The following IQGAP2 variants were observed in gnomAD, a reference collection of about 807,000 sequenced individuals.
IQGAP2 encodes ras GTPase-activating-like protein IQGAP2.
In IQGAP2, 173 loss-of-function variants were observed where a neutral mutation model predicts 201.3. The observed-to-expected ratio is 0.86, with a 90% CI of 0.76 to 0.98. IQGAP2 has a LOEUF of 0.98. IQGAP2 is among the 50% of genes least tolerant of loss of function. IQGAP2 has a pLI of 0.00. For missense variants in IQGAP2, 1,687 were observed against 1,864.8 expected, an observed-to-expected ratio of 0.90 and a Z score of 1.76; for synonymous variants, 675 against 673.9, an observed-to-expected ratio of 1.00 and a Z score of -0.03.
At chr5:76,654,132 G>A in intron 18 of IQGAP2, 68 bp from the exon 19 acceptor site, 2 of 1,063,014 alleles carry the variant, frequency 1.9e-6, no homozygotes, top group Non-Finnish European at 2.8e-6. Context: ...ATTACGGGTT[G>A]TTTGGTGATT....
At chr5:76,634,936 C>A (rs995881106) in intron 15 of IQGAP2, among the ~76,000 whole-genome samples, 2 of 152,136 alleles carry the variant, frequency 1.3e-5, no homozygotes, top group African/African-American at 4.8e-5. Context: ...CTTAGGAAAA[C>A]TATTTGGAGC....
At position 76,597,538 on chromosome 5, in the gene IQGAP2, T is replaced by G. The variant is rs1301425083; in HGVS notation, c.1007T>G (p.Val336Gly). The G allele has an allele frequency of 6.2e-7, 1 of 1,613,840 alleles. No individual in the cohort carries two copies. Among genetic ancestry groups the G allele is most frequent in the South Asian group, 1.1e-5 (1 of 91,046 alleles). The change falls in exon 10 of 36, where the codon GTT (valine) becomes GGT (glycine). Residue 336 changes from valine (V) to glycine (G), a missense_variant. Coordinates refer to ENST00000274364, the MANE Select transcript of IQGAP2 (RefSeq NM_006633.5). ...AAACCAGAGGCCCAGCTGCCTGCTG[T>G]TTATCCCTTTGCTGCTGCCATGTAT... ...LKKPEAQLPA[V>G]YPFAAAMYQN...
At chr5:76,550,600 C>G (rs941956648) in intron 2 of IQGAP2, among the ~76,000 whole-genome samples, 10 of 152,108 alleles carry the variant, frequency 6.6e-5, no homozygotes, top group Admixed American at 1.3e-4. Flanking sequence ...CAAAGCACAT[C>G]TTGCACCGCC....
At chr5:76,706,141 T>A (rs969334678) in intron 35 of IQGAP2, among the ~76,000 whole-genome samples, 1 of 152,218 alleles carries the variant, frequency 6.6e-6, no homozygotes, top group East Asian at 1.9e-4. Flanking sequence ...CTTCTCTCCA[T>A]ACATAGTTAT....
intron 13 of IQGAP2, among the ~76,000 whole-genome samples, chr5:76,626,853 C>CCAA (rs1363394252): frequency 6.6e-6 from 1 of 152,022 alleles, no homozygotes; most frequent in South Asian, 2.1e-4. Context: ...TAAGAAAAAG[C>CCAA]CAACAGCCAC....
Position 76,704,924 on chromosome 5 carries a change from C to G in IQGAP2, c.4615-2276C>G, listed in dbSNP as rs548907996. Among the ~76,000 whole-genome samples, 4 of 152,290 alleles carry G rather than the reference C, an allele frequency of 2.6e-5. No homozygotes were observed. The East Asian group carries it at 7.7e-4, about 29-fold the overall frequency. The stretch of plus-strand genomic sequence containing the variant: ...GAAAGCCCCTTCTAACATTACAGCT[C>G]TATGTCTCTTGGTTATCTTCAGCCC... On this transcript the variant is annotated intron_variant, in intron 35 of 35. Transcript: ENST00000274364.
intron 1 of IQGAP2, among the ~76,000 whole-genome samples, chr5:76,417,158 C>T (rs1018146882): frequency 6.6e-6 from 1 of 152,148 alleles, no homozygotes; most frequent in African/African-American, 2.4e-5. Context: ...TGTGTGTCTA[C>T]AGTGGGGAGG....
chr5:76,486,994 G>A (rs751555217), intron 2 of IQGAP2, among the ~76,000 whole-genome samples: 1 of 151,770 alleles, frequency 6.6e-6, no homozygotes, highest in Non-Finnish European at 1.5e-5. Flanking sequence ...TTTGATCCAT[G>A]CCAAACACTG....
At chr5:76,617,687 A>C (rs866069607) in intron 13 of IQGAP2, 3 of 1,614,078 alleles carry the variant, frequency 1.9e-6, no homozygotes, top group Non-Finnish European at 1.7e-6. Context: ...AAGCTATGAG[A>C]TATATAAAAT....
rs1234680234 is a variant in IQGAP2 at position 76,627,675 on chromosome 5, C to T, written c.1612+175C>T. Among the ~76,000 whole-genome samples, 3 of 152,208 alleles carry T rather than the reference C, an allele frequency of 2.0e-5. No individual in the cohort carries two copies. In the East Asian group the frequency reaches 5.8e-4, roughly 29 times the overall value. ...CCTATTGTCAGTGATTTGACTCTATCTCCAACAAAATGTAACAATGTTGCT... is the reference window on the plus strand; with the variant it reads ...CCTATTGTCAGTGATTTGACTCTATTTCCAACAAAATGTAACAATGTTGCT... On this transcript the variant is annotated intron_variant, in intron 14 of 35. Coordinates refer to ENST00000274364, the MANE Select transcript of IQGAP2 (RefSeq NM_006633.5).
chr5:76,415,199 A>T (rs571915789), intron 1 of IQGAP2, among the ~76,000 whole-genome samples: 92 of 152,328 alleles, frequency 6.0e-4, no homozygotes, highest in African/African-American at 1.9e-3. Context: ...TGTGTTTTGG[A>T]AAAATATGTT....
intron 15 of IQGAP2, among the ~76,000 whole-genome samples, chr5:76,632,972 A>G (rs1307936750): frequency 2.6e-5 from 4 of 152,158 alleles, no homozygotes; most frequent in African/African-American, 7.2e-5. Context: ...GCATCTGGTC[A>G]CCCTTGAGTC....
intron 2 of IQGAP2, among the ~76,000 whole-genome samples, chr5:76,543,192 C>A (rs1198319135): frequency 2.0e-5 from 3 of 152,118 alleles, no homozygotes; most frequent in African/African-American, 7.2e-5. Context: ...TTTGTTATTG[C>A]ACAGAGCTGG....
intron 2 of IQGAP2, among the ~76,000 whole-genome samples, chr5:76,543,885 A>C (rs1411202182): frequency 2.0e-5 from 3 of 152,190 alleles, no homozygotes; most frequent in Non-Finnish European, 4.4e-5. Context: ...GTGCCGCAGA[A>C]AGAAGTTTTC....
At chr5:76,482,747 A>C (rs559846440) in intron 2 of IQGAP2, among the ~76,000 whole-genome samples, 73 of 152,326 alleles carry the variant, frequency 4.8e-4, no homozygotes, top group South Asian at 1.9e-3. Flanking sequence ...GCATTATCCA[A>C]ATAAAATTAT....
At chr5:76,487,685 C>A (rs998106513) in intron 2 of IQGAP2, among the ~76,000 whole-genome samples, 1 of 151,908 alleles carries the variant, frequency 6.6e-6, no homozygotes, top group Non-Finnish European at 1.5e-5. Context: ...TTTTATGCAG[C>A]GAGGTTAGAG....
intron 2 of IQGAP2, among the ~76,000 whole-genome samples, chr5:76,497,220 G>T (rs1046599509): frequency 6.6e-6 from 1 of 152,192 alleles, no homozygotes; most frequent in Admixed American, 6.5e-5. Flanking sequence ...GGCACTTTGT[G>T]CTGCCTGATA....
chr5:76,414,543 G>A (rs189578898), intron 1 of IQGAP2, among the ~76,000 whole-genome samples: 157 of 152,214 alleles, frequency 1.0e-3, no homozygotes, highest in Non-Finnish European at 2.0e-3. Flanking sequence ...ATATAAGGCC[G>A]GATATGGTGG....
chr5:76,434,104 A>G (rs1752523534), intron 1 of IQGAP2, among the ~76,000 whole-genome samples: 1 of 152,196 alleles, frequency 6.6e-6, no homozygotes, highest in Non-Finnish European at 1.5e-5. Flanking sequence ...TTGCCACCGT[A>G]TTCTCTAGGC....
Sources: gnomAD v4.1 joint callset for allele counts (sites outside exome capture counted in the v4.1 genomes callset) on GRCh38, gnomAD v4.1.1 for gene constraint, MANE v1.5 for transcripts, NCBI Gene and HGNC (gene_info 2026-07-23, HGNC 2026-07-21) for gene names.